The following AGBL4 variants were observed in gnomAD, a reference collection of about 807,000 sequenced individuals.
The protein encoded by AGBL4 is AGBL carboxypeptidase 4, also known as cytosolic carboxypeptidase 6.
Under a neutral mutation model 66.4 loss-of-function variants are expected in AGBL4, and 58 were observed. The ratio of observed to expected loss-of-function variants is 0.87; its 90% CI spans 0.71 to 1.09. AGBL4 has a LOEUF of 1.09. Among genes scored for constraint, AGBL4 ranks in the 50% least tolerant of loss-of-function variants. AGBL4 has a pLI of 0.00. For synonymous variants in AGBL4, 234 were observed against 222.9 expected, an observed-to-expected ratio of 1.05 and a Z score of -0.44; for missense variants, 579 against 631.0, an observed-to-expected ratio of 0.92 and a Z score of 0.88.
At chr1:49,441,479 G>A (rs1557943577) in intron 3 of AGBL4, among the ~76,000 whole-genome samples, 1 of 152,176 alleles carries the variant, frequency 6.6e-6, no homozygotes, top group Non-Finnish European at 1.5e-5. Context: ...TTGGTTTAGT[G>A]TAGAGGAAAA....
chr1:49,517,207 G>C (rs555196793), intron 3 of AGBL4, among the ~76,000 whole-genome samples: 121 of 151,362 alleles, frequency 8.0e-4, no homozygotes, highest in African/African-American at 2.8e-3. Context: ...AGGACAATGA[G>C]AGTATTGAAC....
Position 48,736,141 on chromosome 1 carries a change from A to G in AGBL4, c.635-72900T>C. On this transcript the variant is annotated intron_variant, in intron 6 of 13. Transcript: ENST00000371839. This position sits in a 1 kb window ranked among gnomAD's most constrained non-coding sequence, Gnocchi z 4.0. ...CTCAGCCCAGGGTCTGGCATGCAGA[A>G]GCTTCATAAGTAATCGTTGAATTGA... The G allele has an allele frequency of 7.3e-7, 1 of 1,378,540 alleles. No homozygotes were observed. Among genetic ancestry groups the G allele is most frequent in the Non-Finnish European group, 1.0e-6 (1 of 978,232 alleles). The allele number at this position is 1,378,540 out of a possible 1,614,324, so 85.4% of individuals were successfully genotyped here.
At chr1:48,525,981 CTTG>C in the AGBL4 span, among the ~76,000 whole-genome samples, 18 of 152,172 alleles carry the variant, frequency 1.2e-4, 1 homozygote, top group African/African-American at 4.3e-4. Flanking sequence ...AAGCACCTCG[CTTG>C]TTGTTACAAT....
chr1:48,702,435 G>C (rs1294628162), intron 6 of AGBL4, among the ~76,000 whole-genome samples: 1 of 152,036 alleles, frequency 6.6e-6, no homozygotes, highest in Admixed American at 6.6e-5. Context: ...GGGATTACAG[G>C]TGCCCACAAC....
At chr1:49,412,395 T>A (rs544327391) in intron 3 of AGBL4, among the ~76,000 whole-genome samples, 1 of 152,136 alleles carries the variant, frequency 6.6e-6, no homozygotes, top group East Asian at 1.9e-4. Context: ...GATTAGTGAG[T>A]CTCCAGCCTC....
chr1:48,751,572 A>G (rs1651734983), intron 6 of AGBL4, among the ~76,000 whole-genome samples: 1 of 152,168 alleles, frequency 6.6e-6, no homozygotes, highest in African/African-American at 2.4e-5. Context: ...GTCTGGCCCA[A>G]AGCAGGTATT....
intron 3 of AGBL4, among the ~76,000 whole-genome samples, chr1:49,479,830 T>A (rs1646919563): frequency 6.6e-6 from 1 of 151,510 alleles, no homozygotes; most frequent in South Asian, 2.1e-4. Flanking sequence ...GCCTCCCAAG[T>A]GGGAGTGGCT....
chr1:49,109,964 C>A (rs184501226), intron 4 of AGBL4, among the ~76,000 whole-genome samples: 1 of 152,238 alleles, frequency 6.6e-6, no homozygotes, highest in African/African-American at 2.4e-5. Context: ...TTTCAGCTCC[C>A]GTCACCTCAT....
chr1:49,056,145 C>T (rs1307167510), intron 4 of AGBL4, among the ~76,000 whole-genome samples: 6 of 151,998 alleles, frequency 3.9e-5, no homozygotes, highest in Non-Finnish European at 8.8e-5. Context: ...CTCTCTTTCA[C>T]CCTTCAATAA....
chr1:48,792,502 C>T (rs1180065170), intron 6 of AGBL4, among the ~76,000 whole-genome samples: 1 of 152,178 alleles, frequency 6.6e-6, no homozygotes, highest in Non-Finnish European at 1.5e-5. Flanking sequence ...GTGCCTATTA[C>T]ATTTATTAAA....
At chr1:49,493,837 A>G (rs1647289909) in intron 3 of AGBL4, among the ~76,000 whole-genome samples, 1 of 152,056 alleles carries the variant, frequency 6.6e-6, no homozygotes, top group Non-Finnish European at 1.5e-5. Context: ...GTAAGTAAAT[A>G]GAGTTTATTT....
At chr1:48,720,468 C>T (rs897183547) in intron 6 of AGBL4, among the ~76,000 whole-genome samples, 2 of 152,204 alleles carry the variant, frequency 1.3e-5, no homozygotes, top group Non-Finnish European at 2.9e-5. Flanking sequence ...GTCACACAGG[C>T]TTAGATGCCA....
At chr1:49,707,227 G>A (rs1647272412) in intron 2 of AGBL4, among the ~76,000 whole-genome samples, 1 of 152,112 alleles carries the variant, frequency 6.6e-6, no homozygotes, top group Non-Finnish European at 1.5e-5. Context: ...GGGTGCTACT[G>A]TATTGGATGC....
In AGBL4 at chr1:49,775,130, G is replaced by C. The variant is rs566766506; in HGVS notation, c.157+76266C>G. On this transcript the variant is annotated intron_variant, in intron 2 of 13. Coordinates refer to ENST00000371839, the MANE Select transcript of AGBL4 (RefSeq NM_032785.4). ...GAGAGAAAAACAGCTTCAAAATAAA[G>C]TAAAAGGGCAATATCATATAATGTT... 2.6e-5 allele frequency among the ~76,000 whole-genome samples: 4 copies of C among 152,180 alleles called. No homozygotes were observed. The South Asian group carries it at 8.3e-4, about 32-fold the overall frequency.
intron 3 of AGBL4, among the ~76,000 whole-genome samples, chr1:49,604,959 G>A (rs1324465457): frequency 2.6e-5 from 4 of 152,000 alleles, no homozygotes; most frequent in Non-Finnish European, 5.9e-5. Flanking sequence ...TATTATTACA[G>A]GAATGATAAC....
chr1:49,150,784 T>G (rs1044768181), intron 4 of AGBL4, among the ~76,000 whole-genome samples: 1 of 152,146 alleles, frequency 6.6e-6, no homozygotes, highest in African/African-American at 2.4e-5. Context: ...GTTCTTCCAA[T>G]GAGCTTCCAC....
chr1:49,536,824 C>A (rs1651623444), intron 3 of AGBL4, among the ~76,000 whole-genome samples: 2 of 152,088 alleles, frequency 1.3e-5, no homozygotes, highest in South Asian at 4.2e-4. Context: ...GCCTGGCCAA[C>A]ATGGCAAAAC....
chr1:49,441,991 C>T (rs1646043747), intron 3 of AGBL4, among the ~76,000 whole-genome samples: 1 of 152,166 alleles, frequency 6.6e-6, no homozygotes, highest in Non-Finnish European at 1.5e-5. Flanking sequence ...TTGTCAGCAG[C>T]AGAGACCAAC....
chr1:49,574,541 G>A (rs1176849306), intron 3 of AGBL4, among the ~76,000 whole-genome samples: 2 of 152,112 alleles, frequency 1.3e-5, no homozygotes, highest in Non-Finnish European at 2.9e-5. Context: ...ATATACCCTT[G>A]ACAAATGCCT....
Sources: allele counts gnomAD v4.1 joint callset (sites outside exome capture counted in the v4.1 genomes callset), GRCh38; gene constraint gnomAD v4.1.1; non-coding constraint Gnocchi (gnomAD v3.1); transcripts MANE v1.5; gene names NCBI Gene and HGNC (gene_info 2026-07-23, HGNC 2026-07-21).